RILPL1: variants seen among roughly 807,000 people sequenced by gnomAD.
RILPL1 encodes RILP-like protein 1.
Under a neutral mutation model 50.3 loss-of-function variants are expected in RILPL1, and 33 were observed. That is an observed-to-expected ratio of 0.66 (90% confidence interval 0.50 to 0.88). The LOEUF is 0.88. Among genes scored for constraint, RILPL1 ranks in the 40% least tolerant of loss-of-function variants. The pLI, the probability that RILPL1 is intolerant of heterozygous loss-of-function variation, is 0.00. For synonymous variants in RILPL1, 205 were observed against 228.6 expected, an observed-to-expected ratio of 0.90 and a Z score of 0.93; for missense variants, 418 against 542.5, an observed-to-expected ratio of 0.77 and a Z score of 2.28.
intron 2 of RILPL1, among the ~76,000 whole-genome samples, chr12:123,508,453 A>C (rs150702059): frequency 6.6e-6 from 1 of 152,314 alleles, no homozygotes; most frequent in Non-Finnish European, 1.5e-5. Context: ...TGAAAGGATG[A>C]ATCTTATGAT....
intron 4 of RILPL1, among the ~76,000 whole-genome samples, chr12:123,497,926 A>G (rs1338209325): frequency 6.6e-6 from 1 of 152,166 alleles, no homozygotes; most frequent in Admixed American, 6.5e-5. Flanking sequence ...GCTGGGTCAT[A>G]TGGTACTGTG....
chr12:123,488,170 G>A (rs977004186), intron 4 of RILPL1, among the ~76,000 whole-genome samples: 6 of 152,100 alleles, frequency 3.9e-5, no homozygotes, highest in Non-Finnish European at 8.8e-5. Flanking sequence ...CCGGCACCGT[G>A]GCTCACACTC....
chr12:123,488,615 AG>A (rs1335879930), intron 4 of RILPL1, among the ~76,000 whole-genome samples: 1 of 152,204 alleles, frequency 6.6e-6, no homozygotes, highest in Non-Finnish European at 1.5e-5. Flanking sequence ...GTTCTGGGAA[AG>A]GACGTGTGAA....
At chr12:123,478,810 G>A (rs1011919897) in intron 6 of RILPL1, among the ~76,000 whole-genome samples, 2 of 152,200 alleles carry the variant, frequency 1.3e-5, no homozygotes, top group East Asian at 1.9e-4. Context: ...ATGACTGAGA[G>A]ACAGGGACCA....
intron 2 of RILPL1, among the ~76,000 whole-genome samples, chr12:123,511,483 TGA>T (rs1157385027): frequency 2.1e-5 from 3 of 140,740 alleles, no homozygotes; most frequent in African/African-American, 8.1e-5. Context: ...GTGTGGTGTG[TGA>T]GGTCTGTATG....
intron 2 of RILPL1, among the ~76,000 whole-genome samples, chr12:123,504,320 T>A (rs961387602): frequency 1.3e-5 from 2 of 151,706 alleles, no homozygotes; most frequent in South Asian, 2.1e-4. Context: ...TTGGCATGAC[T>A]TTCCCCCCCG....
intron 1 of RILPL1, among the ~76,000 whole-genome samples, chr12:123,526,597 T>C (rs993571417): frequency 6.6e-6 from 1 of 152,230 alleles, no homozygotes; most frequent in African/African-American, 2.4e-5. Flanking sequence ...ATCCCTACAA[T>C]TCATCACAAG....
rs566114533 is a variant in RILPL1 at position 123,504,707 on chromosome 12, CTTA to C, written c.461-5174_461-5172del. Among the ~76,000 whole-genome samples the C allele has an allele frequency of 5.0e-3, 763 of 152,286 alleles. 3 individuals are homozygous for C. Among genetic ancestry groups the C allele is most frequent in the Middle Eastern group, 0.017 (5 of 294 alleles). On this transcript the variant is annotated intron_variant, in intron 2 of 6. Transcript: ENST00000376874. ...TCATTCCCAACCACTGGAAATGGGT[CTTA>C]TTATCATTACTGTTGTTTCTAACAT...
intron 4 of RILPL1, among the ~76,000 whole-genome samples, chr12:123,488,444 C>T (rs1396494940): frequency 1.3e-5 from 1 of 77,002 alleles, no homozygotes; most frequent in Non-Finnish European, 3.0e-5. Context: ...GACCCTGTCT[C>T]AAAAAAAAAA....
In RILPL1 at chr12:123,491,971, C is replaced by T. The variant is rs755955833; in HGVS notation, c.802-6166G>A. 6.6e-6 allele frequency among the ~76,000 whole-genome samples: 1 copy of T among 151,996 alleles called. No homozygotes were observed. The highest frequency in any genetic ancestry group is 1.5e-5 in the Non-Finnish European group (1 of 68,014). Reference sequence around the variant, plus strand: ...GTGGTGAGCCAAGATCGTGCCATTGCACTCCAGCCTGGGTGATGGAGTGAG... The same window carrying T: ...GTGGTGAGCCAAGATCGTGCCATTGTACTCCAGCCTGGGTGATGGAGTGAG... On this transcript the variant is annotated intron_variant, in intron 4 of 6. Coordinates refer to ENST00000376874, the MANE Select transcript of RILPL1 (RefSeq NM_178314.5). The surrounding 1 kb of genome is among the most constrained non-coding windows in gnomAD (Gnocchi z 4.0).
intron 4 of RILPL1, among the ~76,000 whole-genome samples, chr12:123,497,402 T>C (rs759165842): frequency 2.0e-5 from 3 of 151,936 alleles, no homozygotes; most frequent in Non-Finnish European, 4.4e-5. Flanking sequence ...TTTTGTTTTT[T>C]GAGATGGGGT....
intron 2 of RILPL1, among the ~76,000 whole-genome samples, chr12:123,506,315 G>A (rs1330773241): frequency 1.3e-5 from 2 of 152,202 alleles, no homozygotes; most frequent in Admixed American, 6.5e-5. Context: ...GGTGATGCAC[G>A]CATGAGCTAA....
In RILPL1 at chr12:123,484,204, TG is replaced by T; in HGVS notation, c.1042del (p.Gln348SerfsTer94). 1 of 1,561,224 alleles carries T rather than the reference TG, an allele frequency of 6.4e-7. No homozygotes were observed. Among genetic ancestry groups the T allele is most frequent in the Non-Finnish European group, 8.8e-7 (1 of 1,136,768 alleles). ...PPIAHPRTSP[Q>X]PESGIKRLFS... is the part of the protein sequence containing the mutation. ...CAGTCGCTTGATGCCCGACTCCGGC[TG>T]GGGGGACGTCCTCGGGTGGGCGATG... On this transcript the variant is annotated frameshift_variant, in exon 6 of 7. Transcript: ENST00000376874. LOFTEE classifies it high-confidence loss of function.
intron 2 of RILPL1, among the ~76,000 whole-genome samples, chr12:123,516,032 T>TC (rs1884670542): frequency 2.7e-5 from 1 of 37,098 alleles, no homozygotes. Flanking sequence ...AGACTCTGTC[T>TC]CAAAAAAAAA....
intron 2 of RILPL1, among the ~76,000 whole-genome samples, chr12:123,501,331 G>A (rs1883367820): frequency 6.6e-6 from 1 of 151,620 alleles, no homozygotes; most frequent in Non-Finnish European, 1.5e-5. Context: ...TGTAATCTCA[G>A]CTACTTAGGA....
intron 2 of RILPL1, among the ~76,000 whole-genome samples, chr12:123,503,186 CTTTTTTTTTT>C (rs373514624): frequency 9.3e-4 from 75 of 80,716 alleles, no homozygotes; most frequent in African/African-American, 3.8e-3. Flanking sequence ...CACGCCTGGC[CTTTTTTTTTT>C]TTTTTTTTTT....
intron 1 of RILPL1, among the ~76,000 whole-genome samples, chr12:123,531,974 G>A (rs1326468751): frequency 1.3e-5 from 2 of 152,170 alleles, no homozygotes; most frequent in Non-Finnish European, 2.9e-5. Flanking sequence ...TAGGGCATAG[G>A]GACCCATGAG....
chr12:123,510,253 C>T (rs537616638), intron 2 of RILPL1, among the ~76,000 whole-genome samples: 72 of 152,356 alleles, frequency 4.7e-4, no homozygotes, highest in African/African-American at 1.6e-3. Flanking sequence ...GCCCTCTCTC[C>T]TCTCTATGCC....
chr12:123,504,944 C>T (rs368747392), intron 2 of RILPL1, among the ~76,000 whole-genome samples: 1 of 152,220 alleles, frequency 6.6e-6, no homozygotes, highest in Non-Finnish European at 1.5e-5. Context: ...CTCTAGTCCC[C>T]ACTTTCTCCC....
Sources: allele counts gnomAD v4.1 joint callset (sites outside exome capture counted in the v4.1 genomes callset), GRCh38; gene constraint gnomAD v4.1.1; non-coding constraint Gnocchi (gnomAD v3.1); transcripts MANE v1.5; gene names NCBI Gene and HGNC (gene_info 2026-07-23, HGNC 2026-07-21).